Variants in MTDH observed in about 807,000 individuals in gnomAD.
The protein encoded by MTDH is metadherin.
MTDH carries 34 observed loss-of-function variants against 72.7 expected under a neutral mutation model. The ratio of observed to expected loss-of-function variants is 0.47; its 90% CI spans 0.36 to 0.62. The LOEUF (loss-of-function observed/expected upper bound fraction) is 0.62, where lower values mean the gene tolerates loss of function less well. Among genes scored for constraint, MTDH ranks in the 20% least tolerant of loss-of-function variants. The pLI is 0.00. For missense variants in MTDH, 677 were observed against 699.4 expected, an observed-to-expected ratio of 0.97 and a Z score of 0.36; for synonymous variants, 266 against 268.9, an observed-to-expected ratio of 0.99 and a Z score of 0.10.
rs1280421907 is a variant in MTDH, at chr8:97,708,456, A to G, written c.1272+1706A>G. Among the ~76,000 whole-genome samples, 918 of 92,460 alleles carry G rather than the reference A, an allele frequency of 9.9e-3. 1 individual carries two copies. The highest frequency in any genetic ancestry group is 0.067 in the Middle Eastern group (7 of 104). The allele number at this position is 92,460 out of a possible 152,430, so 60.7% of individuals were successfully genotyped here. ...ATCACCATGCCCAGCTAATTTTTGT[A>G]TTTTTAGTAGAGACGGGTTTTTGCC... On this transcript the variant is annotated intron_variant, in intron 8 of 11. Coordinates refer to ENST00000336273, the MANE Select transcript of MTDH (RefSeq NM_178812.4).
At chr8:97,713,621 A>G (rs367823011) in intron 8 of MTDH, 41 bp from the exon 9 acceptor site, 30 of 1,159,526 alleles carry the variant, frequency 2.6e-5, no homozygotes, top group Non-Finnish European at 3.5e-5. Flanking sequence ...ATGGACACAT[A>G]ACCATTTGGT....
intron 6 of MTDH, chr8:97,696,165 C>A: frequency 1.2e-6 from 1 of 806,278 alleles, no homozygotes; most frequent in Non-Finnish European, 1.5e-6. Flanking sequence ...AAGTCTGATG[C>A]AAGTTGAAGG....
intron 7 of MTDH, among the ~76,000 whole-genome samples, chr8:97,705,383 C>T (rs755531667): frequency 4.2e-5 from 6 of 144,308 alleles, no homozygotes; most frequent in Non-Finnish European, 9.1e-5. Context: ...AGGCAGATCA[C>T]GAGATCAAGA....
intron 2 of MTDH, among the ~76,000 whole-genome samples, chr8:97,667,831 TAAAAA>T (rs542822923): frequency 1.7e-5 from 2 of 116,310 alleles, no homozygotes; most frequent in Non-Finnish European, 3.5e-5. Context: ...GTCTCTATAT[TAAAAA>T]AAAAAAAAAA....
intron 7 of MTDH, among the ~76,000 whole-genome samples, chr8:97,701,163 T>G (rs1814106693): frequency 6.6e-6 from 1 of 152,156 alleles, no homozygotes; most frequent in Non-Finnish European, 1.5e-5. Context: ...GTTGTGAGGC[T>G]TTAATGAGAT....
At chr8:97,672,509 T>C (rs1812664709) in intron 2 of MTDH, among the ~76,000 whole-genome samples, 1 of 152,240 alleles carries the variant, frequency 6.6e-6, no homozygotes. Context: ...GCTACAAAAC[T>C]GTTTTTCTGT....
At chr8:97,669,636 G>A (rs1586221973) in intron 2 of MTDH, among the ~76,000 whole-genome samples, 1 of 151,598 alleles carries the variant, frequency 6.6e-6, no homozygotes, top group Non-Finnish European at 1.5e-5. Flanking sequence ...TACTACTCCC[G>A]CCAATCACAG....
rs939249564 is a variant in MTDH, at chr8:97,716,544, C to T, written c.1381-2505C>T. 8.6e-5 allele frequency among the ~76,000 whole-genome samples: 13 copies of T among 151,856 alleles called. No homozygotes were observed. In the South Asian group the frequency reaches 1.0e-3, roughly 12 times the overall value. On this transcript the variant is annotated intron_variant, in intron 9 of 11. Transcript: ENST00000336273. ...CTCTACTGAAAATACAAAAATTAGC[C>T]GCACGTGGTAGCTGGCGCCTGTAGT...
intron 2 of MTDH, among the ~76,000 whole-genome samples, chr8:97,670,500 T>C (rs754973801): frequency 6.6e-6 from 1 of 152,078 alleles, no homozygotes; most frequent in African/African-American, 2.4e-5. Context: ...CGTGTGCCCG[T>C]ATAATCCCAG....
At chr8:97,685,086 A>G (rs539473391) in intron 2 of MTDH, among the ~76,000 whole-genome samples, 1 of 152,096 alleles carries the variant, frequency 6.6e-6, no homozygotes, top group African/African-American at 2.4e-5. Flanking sequence ...AAAAAATAAT[A>G]ATTTTGATAG....
At chr8:97,706,168 CAT>C (rs1814343186) in intron 7 of MTDH, among the ~76,000 whole-genome samples, 1 of 152,026 alleles carries the variant, frequency 6.6e-6, no homozygotes, top group African/African-American at 2.4e-5. Flanking sequence ...TTGAAAAGCT[CAT>C]AAGGATAGGA....
intron 2 of MTDH, among the ~76,000 whole-genome samples, chr8:97,685,114 T>C (rs1469670613): frequency 6.6e-6 from 1 of 151,958 alleles, no homozygotes; most frequent in African/African-American, 2.4e-5. Context: ...ACTTCAGATA[T>C]ACTAAAAACC....
chr8:97,720,835 G>T (rs1316787668), intron 10 of MTDH, among the ~76,000 whole-genome samples: 1 of 151,478 alleles, frequency 6.6e-6, no homozygotes, highest in Non-Finnish European at 1.5e-5. Context: ...TATATTTTTA[G>T]TAGAGATGGG....
At chr8:97,669,772 T>C (rs1812537164) in intron 2 of MTDH, among the ~76,000 whole-genome samples, 1 of 151,784 alleles carries the variant, frequency 6.6e-6, no homozygotes, top group African/African-American at 2.4e-5. Context: ...CAAAATTAGC[T>C]GGGCATGATG....
chr8:97,674,300 C>T (rs139644850), intron 2 of MTDH, among the ~76,000 whole-genome samples: 1 of 152,356 alleles, frequency 6.6e-6, no homozygotes, highest in East Asian at 1.9e-4. Flanking sequence ...AACCTTGAAT[C>T]TCCTTTAAGT....
rs1417405135 is a variant in MTDH at position 97,726,633 on chromosome 8, A to T, written c.*1963A>T. On this transcript the variant is annotated 3_prime_UTR_variant, in exon 12 of 12. Coordinates refer to ENST00000336273, the MANE Select transcript of MTDH (RefSeq NM_178812.4). ...CTAGTATCTCCCCATTCTACCACCT[A>T]TGCCAGATGTTAAAGACAGCAGATG... 6.6e-6 allele frequency: 1 copy of T among 152,224 alleles called. No homozygotes were observed. Among genetic ancestry groups the T allele is most frequent in the African/African-American group, 2.4e-5 (1 of 41,454 alleles). The allele number at this position is 152,224 out of a possible 1,614,324, so 9.4% of individuals were successfully genotyped here.
intron 6 of MTDH, among the ~76,000 whole-genome samples, chr8:97,693,744 C>T (rs1232649704): frequency 1.3e-5 from 2 of 152,074 alleles, no homozygotes; most frequent in African/African-American, 2.4e-5. Context: ...GAGACAGGGT[C>T]GTACTCTGTT....
Position 97,670,886 on chromosome 8 carries a change from A to G in MTDH, c.483+9713A>G, listed in dbSNP as rs530856663. 8.6e-5 allele frequency among the ~76,000 whole-genome samples: 13 copies of G among 150,682 alleles called. 1 individual carries two copies. In the East Asian group the frequency reaches 2.5e-3, roughly 30 times the overall value. On this transcript the variant is annotated intron_variant, in intron 2 of 11. Coordinates refer to ENST00000336273, the MANE Select transcript of MTDH (RefSeq NM_178812.4). ...ATTCTCCTGCCTCAGCCCCCCGAGTAACTGGGATTACAGGCGCCCACTGCC... is the reference window on the plus strand; with the variant it reads ...ATTCTCCTGCCTCAGCCCCCCGAGTGACTGGGATTACAGGCGCCCACTGCC...
intron 2 of MTDH, among the ~76,000 whole-genome samples, chr8:97,676,710 A>T (rs974671802): frequency 1.3e-5 from 2 of 151,790 alleles, no homozygotes; most frequent in Admixed American, 1.3e-4. Flanking sequence ...CTCTACAAAA[A>T]ATACAAAAAT....
Sources: allele counts gnomAD v4.1 joint callset (sites outside exome capture counted in the v4.1 genomes callset), GRCh38; gene constraint gnomAD v4.1.1; transcripts MANE v1.5; gene names NCBI Gene and HGNC (gene_info 2026-07-23, HGNC 2026-07-21).